Variants in NLK observed in about 807,000 individuals in gnomAD.
NLK encodes the protein serine/threonine-protein kinase NLK.
NLK carries 11 observed loss-of-function variants against 59.0 expected under a neutral mutation model. The observed-to-expected ratio is 0.19, with a 90% confidence interval of 0.12 to 0.31. The LOEUF (loss-of-function observed/expected upper bound fraction) is 0.31. Among genes scored for constraint, NLK ranks in the 10% least tolerant of loss-of-function variants. NLK has a pLI of 1.00. For missense variants in NLK, 410 were observed against 661.1 expected, an observed-to-expected ratio of 0.62 and a Z score of 4.16; for synonymous variants, 235 against 235.9, an observed-to-expected ratio of 1.00 and a Z score of 0.03.
At chr17:28,091,277 A>G (rs558681183) in intron 1 of NLK, among the ~76,000 whole-genome samples, 15 of 152,288 alleles carry the variant, frequency 9.8e-5, no homozygotes, top group Admixed American at 4.6e-4. Flanking sequence ...GTGAGTATCA[A>G]GGATTCATAC....
intron 2 of NLK, among the ~76,000 whole-genome samples, chr17:28,123,945 T>C (rs954874565): frequency 1.3e-5 from 2 of 152,322 alleles, no homozygotes; most frequent in Non-Finnish European, 2.9e-5. Context: ...GAAAAAAAAT[T>C]ATGATTTCTC....
intron 1 of NLK, among the ~76,000 whole-genome samples, chr17:28,061,731 C>T (rs1909643596): frequency 6.8e-6 from 1 of 146,910 alleles, no homozygotes; most frequent in Non-Finnish European, 1.5e-5. Flanking sequence ...TTTCTCAAAT[C>T]ATTATTTCAT....
chr17:28,117,157 A>G (rs1905814852), intron 1 of NLK, among the ~76,000 whole-genome samples: 2 of 152,314 alleles, frequency 1.3e-5, no homozygotes, highest in South Asian at 2.1e-4. Flanking sequence ...CCTCGTAGAC[A>G]TATTTAACAG....
At chr17:28,146,940 A>G (rs1025394141) in intron 3 of NLK, among the ~76,000 whole-genome samples, 1 of 152,202 alleles carries the variant, frequency 6.6e-6, no homozygotes, top group African/African-American at 2.4e-5. Flanking sequence ...AGGTGAGGCA[A>G]AATAAATTTA....
chr17:28,137,671 C>T (rs1597703396), intron 3 of NLK, among the ~76,000 whole-genome samples: 1 of 152,082 alleles, frequency 6.6e-6, no homozygotes, highest in East Asian at 1.9e-4. Context: ...GAGACTGAAA[C>T]TGTAATAAAA....
chr17:28,042,733 C>A lies in NLK; in HGVS notation c.-141C>A. 1.3e-6 allele frequency: 1 copy of A among 746,402 alleles called. No homozygotes were observed. Among genetic ancestry groups the A allele is most frequent in the Non-Finnish European group, 2.1e-6 (1 of 484,752 alleles). The allele number at this position is 746,402 out of a possible 1,614,324, so 46.2% of individuals were successfully genotyped here. ...TCACCCCAAAATTAAACACCAAGATCCTCTAACTTGTTTGGATTGACTGAT... is the reference window on the plus strand; with the variant it reads ...TCACCCCAAAATTAAACACCAAGATACTCTAACTTGTTTGGATTGACTGAT... On this transcript the variant is annotated 5_prime_UTR_variant, in exon 1 of 11. Coordinates refer to ENST00000407008, the MANE Select transcript of NLK (RefSeq NM_016231.5).
At chr17:28,173,155 GTTT>G (rs1567736506) in intron 7 of NLK, among the ~76,000 whole-genome samples, 1 of 152,156 alleles carries the variant, frequency 6.6e-6, no homozygotes, top group African/African-American at 2.4e-5. Context: ...AGACAAAATG[GTTT>G]TTTATCTCCA....
chr17:28,084,710 C>A (rs1201277328), intron 1 of NLK, among the ~76,000 whole-genome samples: 1 of 152,146 alleles, frequency 6.6e-6, no homozygotes, highest in Non-Finnish European at 1.5e-5. Flanking sequence ...ATTTCAGGCA[C>A]CTGCCACCAT....
the NLK span, among the ~76,000 whole-genome samples, chr17:28,203,851 C>T: frequency 5.3e-5 from 8 of 152,166 alleles, no homozygotes; most frequent in Non-Finnish European, 1.0e-4. Flanking sequence ...TGATCTTTCT[C>T]GTCGCCCCAG....
Position 28,196,075 on chromosome 17 carries a change from T to C in NLK, c.*1439T>C, listed in dbSNP as rs555173844. The C allele has an allele frequency of 6.5e-6, 1 of 152,766 alleles. No homozygotes were observed. The highest frequency in any genetic ancestry group is 2.4e-5 in the African/African-American group (1 of 41,574). 9.5% of individuals were successfully genotyped at this position (152,766 alleles called of 1,614,324 possible). On this transcript the variant is annotated 3_prime_UTR_variant, in exon 11 of 11. Transcript: ENST00000407008. ...GAATTTGAAGACTATTAATAAGTTA[T>C]GTTTGGAAGTTTTAACTTCAATGAA...
At chr17:28,164,781 CT>C (rs1908154494) in intron 5 of NLK, among the ~76,000 whole-genome samples, 1 of 152,090 alleles carries the variant, frequency 6.6e-6, no homozygotes. Flanking sequence ...GTAATCAAGA[CT>C]ATCATTATTA....
chr17:28,159,833 G>T (rs762898446), intron 3 of NLK, among the ~76,000 whole-genome samples: 2 of 152,174 alleles, frequency 1.3e-5, no homozygotes, highest in East Asian at 1.9e-4. Context: ...GGCCAGAGTA[G>T]TAACAGTGGA....
chr17:28,185,319 G>A lies in NLK; in HGVS notation c.1236+54G>A, dbSNP rs139896318. Reference sequence around the variant, plus strand: ...TAATGAATTACAAATACATGTGTTCGAGAGAAACATTGTGGTTTTGAATAG... The same window carrying A: ...TAATGAATTACAAATACATGTGTTCAAGAGAAACATTGTGGTTTTGAATAG... On this transcript the variant is annotated intron_variant, in intron 8 of 10. Coordinates refer to ENST00000407008, the MANE Select transcript of NLK (RefSeq NM_016231.5). The A allele has an allele frequency of 5.9e-4, 664 of 1,123,738 alleles. 4 individuals carry two copies. In the African/African-American group the frequency reaches 7.7e-3, roughly 13 times the overall value. The allele number at this position is 1,123,738 out of a possible 1,614,324, so 69.6% of individuals were successfully genotyped here. A position where few individuals can be genotyped will look rare whatever the true frequency, so the allele number is the denominator to read the frequency against.
intron 8 of NLK, among the ~76,000 whole-genome samples, chr17:28,187,282 ATGTTT>A (rs983580262): frequency 7.2e-5 from 11 of 151,954 alleles, no homozygotes; most frequent in African/African-American, 2.7e-4. Context: ...CTGAGATCCC[ATGTTT>A]TGTTTGGTTT....
chr17:28,059,869 A>G (rs1417424914), intron 1 of NLK, among the ~76,000 whole-genome samples: 1 of 152,228 alleles, frequency 6.6e-6, no homozygotes, highest in Non-Finnish European at 1.5e-5. Context: ...ACGCCCTTAT[A>G]TGGTATTTTC....
the NLK span, among the ~76,000 whole-genome samples, chr17:28,201,577 A>G: frequency 1.3e-5 from 2 of 152,192 alleles, no homozygotes; most frequent in South Asian, 2.1e-4. Flanking sequence ...ACAAACAAAA[A>G]CAAAATACTA....
intron 1 of NLK, among the ~76,000 whole-genome samples, chr17:28,067,084 A>G (rs1485026180): frequency 6.6e-6 from 1 of 152,194 alleles, no homozygotes; most frequent in Non-Finnish European, 1.5e-5. Flanking sequence ...TTTGCAATAC[A>G]AACATTTTAA....
At chr17:28,120,952 TTAATGA>T (rs1452343122) in intron 1 of NLK, among the ~76,000 whole-genome samples, 3 of 152,242 alleles carry the variant, frequency 2.0e-5, no homozygotes, top group Non-Finnish European at 4.4e-5. Context: ...ATACTCAAGG[TTAATGA>T]TTGAATGTCA....
intron 1 of NLK, chr17:28,048,916 A>C (rs1008055392): frequency 6.6e-6 from 1 of 152,224 alleles, no homozygotes; most frequent in Non-Finnish European, 1.5e-5. Context: ...AAGCTGTTAG[A>C]AGCTCTTTAA....
Sources: gnomAD v4.1 joint callset for allele counts (sites outside exome capture counted in the v4.1 genomes callset) on GRCh38, gnomAD v4.1.1 for gene constraint, MANE v1.5 for transcripts, NCBI Gene and HGNC (gene_info 2026-07-23, HGNC 2026-07-21) for gene names.